Variants in AGPAT5 observed in about 807,000 individuals in gnomAD.
AGPAT5 encodes the protein 1-acyl-sn-glycerol-3-phosphate acyltransferase epsilon.
In AGPAT5, 46 loss-of-function variants were observed where a neutral mutation model predicts 45.6. The observed-to-expected ratio is 1.01, with a 90% CI of 0.80 to 1.29. The LOEUF (loss-of-function observed/expected upper bound fraction) is 1.29. Among genes scored for constraint, AGPAT5 ranks in the 50% most tolerant of loss-of-function variants. The probability of loss-of-function intolerance (pLI) is 0.00; values close to 1 mark genes in which losing one functional copy is unlikely to be tolerated. For missense variants in AGPAT5, 673 were observed against 450.7 expected, an observed-to-expected ratio of 1.49 and a Z score of -4.47; for synonymous variants, 272 against 167.0, an observed-to-expected ratio of 1.63 and a Z score of -4.85.
intron 4 of AGPAT5, among the ~76,000 whole-genome samples, chr8:6,740,075 A>G (rs1801195441): frequency 6.6e-6 from 1 of 152,174 alleles, no homozygotes; most frequent in Non-Finnish European, 1.5e-5. Context: ...CATAATAAGT[A>G]TATAAGAAAT....
intron 2 of AGPAT5, among the ~76,000 whole-genome samples, chr8:6,725,984 G>A (rs1427946893): frequency 2.6e-5 from 4 of 152,244 alleles, no homozygotes; most frequent in Non-Finnish European, 4.4e-5. Flanking sequence ...TCTCAATTTA[G>A]TGAATTAATG....
intron 4 of AGPAT5, among the ~76,000 whole-genome samples, chr8:6,736,278 C>T (rs1433497434): frequency 6.6e-6 from 1 of 152,150 alleles, no homozygotes. Flanking sequence ...CAGACTTTAC[C>T]AGGTTTTCCA....
chr8:6,724,795 C>G (rs1800628159), intron 1 of AGPAT5, 75 bp from the exon 2 acceptor site: 4 of 450,500 alleles, frequency 8.9e-6, no homozygotes, highest in South Asian at 6.8e-5. Flanking sequence ...TCGTCAGTTT[C>G]TTCACATTGT....
At chr8:6,745,988 C>G (rs1239205160) in intron 5 of AGPAT5, 1 of 151,958 alleles carries the variant, frequency 6.6e-6, no homozygotes, top group Non-Finnish European at 1.5e-5. Flanking sequence ...TCCCTTCCTT[C>G]TTTTCTTTCC....
intron 6 of AGPAT5, among the ~76,000 whole-genome samples, chr8:6,752,303 C>G (rs902732463): frequency 2.6e-5 from 4 of 152,164 alleles, no homozygotes; most frequent in Admixed American, 2.6e-4. Flanking sequence ...GGATATTTTC[C>G]TTTAAATCCT....
At chr8:6,724,661 A>G (rs552987103) in intron 1 of AGPAT5, among the ~76,000 whole-genome samples, 1,024 of 71,696 alleles carry the variant, frequency 0.014, 13 homozygotes, top group Admixed American at 0.048. Context: ...TTCTATTTTA[A>G]TTTATTACCG....
rs1376218075 is a variant in AGPAT5 at position 6,757,709 on chromosome 8, T to G, written c.*321T>G. Reference sequence around the variant, plus strand: ...ATTTTGCAAGTCAGATGGCTGCATTTTTGAGCATTAATTTGCAGCGTATTT... The same window carrying G: ...ATTTTGCAAGTCAGATGGCTGCATTGTTGAGCATTAATTTGCAGCGTATTT... On this transcript the variant is annotated 3_prime_UTR_variant, in exon 8 of 8. Coordinates refer to ENST00000285518, the MANE Select transcript of AGPAT5 (RefSeq NM_018361.5). 1 of 212,380 alleles carries G rather than the reference T, an allele frequency of 4.7e-6. No homozygotes were observed. The allele number at this position is 212,380 out of a possible 1,614,324, so 13.2% of individuals were successfully genotyped here. A position where few individuals can be genotyped will look rare whatever the true frequency, so the allele number is the denominator to read the frequency against.
chr8:6,732,574 A>C lies in AGPAT5; in HGVS notation c.419A>C (p.Tyr140Ser). ...TGATTGTGGCAGCATGGAGGAATCTATGTAAAGCGCAGTGCCAAATTTAAC... is the reference window on the plus strand; with the variant it reads ...TGATTGTGGCAGCATGGAGGAATCTCTGTAAAGCGCAGTGCCAAATTTAAC... ...GCYFAQHGGI[Y>S]VKRSAKFNEK... is the part of the protein sequence containing the mutation. The change falls in exon 4 of 8, where the codon TAT becomes TCT. Residue 140 changes from tyrosine (Y) to serine (S), a missense_variant. Coordinates refer to ENST00000285518, the MANE Select transcript of AGPAT5 (RefSeq NM_018361.5). 1.9e-6 allele frequency: 3 copies of C among 1,607,976 alleles called. No homozygotes were observed. The highest frequency in any genetic ancestry group is 2.5e-6 in the Non-Finnish European group (3 of 1,178,440).
intron 1 of AGPAT5, among the ~76,000 whole-genome samples, chr8:6,713,044 G>C (rs1800204056): frequency 6.6e-6 from 1 of 152,204 alleles, no homozygotes; most frequent in Non-Finnish European, 1.5e-5. Flanking sequence ...CCAGGCTCTG[G>C]TGCGGTGGCA....
rs1258518747 is a variant in AGPAT5, at chr8:6,760,426, A to T, written c.*3038A>T. ...GAAAATGAAAAGGAAATATAGAAAT[A>T]TAAAATTTGCTTATTATAGACACAC... On this transcript the variant is annotated 3_prime_UTR_variant, in exon 8 of 8. Transcript: ENST00000285518. Among the ~76,000 whole-genome samples the T allele has an allele frequency of 6.6e-6, 1 of 152,192 alleles. No individual in the cohort carries two copies. Among genetic ancestry groups the T allele is most frequent in the African/African-American group, 2.4e-5 (1 of 41,448 alleles).
At chr8:6,735,520 T>A (rs1313555690) in intron 4 of AGPAT5, among the ~76,000 whole-genome samples, 2 of 152,242 alleles carry the variant, frequency 1.3e-5, no homozygotes, top group African/African-American at 4.8e-5. Context: ...GCTAAATTCT[T>A]TTTACTGGTA....
chr8:6,757,678 T>C lies in AGPAT5; in HGVS notation c.*290T>C, dbSNP rs560269200. The stretch of plus-strand genomic sequence containing the variant: ...TGACAACTTGAGAAGGCTGGGAGGA[T>C]TGTGTATTTTGCAAGTCAGATGGCT... On this transcript the variant is annotated 3_prime_UTR_variant, in exon 8 of 8. Transcript: ENST00000285518. 60 of 263,084 alleles carry C rather than the reference T, an allele frequency of 2.3e-4. No individual in the cohort carries two copies. In the East Asian group the frequency reaches 4.1e-3, roughly 18 times the overall value. 16.3% of individuals were successfully genotyped at this position (263,084 alleles called of 1,614,324 possible).
chr8:6,755,130 A>C lies in AGPAT5; in HGVS notation c.825A>C (p.Glu275Asp), dbSNP rs775301782. 1 of 1,609,222 alleles carries C rather than the reference A, an allele frequency of 6.2e-7. No individual in the cohort carries two copies. The highest frequency in any genetic ancestry group is 1.1e-5 in the South Asian group (1 of 89,316). ...AAAAAGATGTCCCAGAAGAACAAGA[A>C]CATATGAGAAGATGGCTGCATGAAC... The part of the protein sequence containing the change: ...IDKKDVPEEQ[E>D]HMRRWLHERF... Residue 275 changes from glutamate to aspartate, a missense_variant, in exon 7 of 8, where the codon GAA becomes GAC. Physicochemically the swap from Glu to Asp is conservative, Grantham distance 45 (BLOSUM62 2). Transcript: ENST00000285518.
At position 6,759,948 on chromosome 8, in the gene AGPAT5, T is replaced by G. The variant is rs1801976482; in HGVS notation, c.*2560T>G. Among the ~76,000 whole-genome samples the G allele has an allele frequency of 6.6e-6, 1 of 152,224 alleles. No homozygotes were observed. The highest frequency in any genetic ancestry group is 2.1e-4 in the South Asian group (1 of 4,836). Reference sequence around the variant, plus strand: ...GTGAAACATGTCAAATGCCTTAAATTAACTAAGTTGGTGAATAAAAGTGCC... The same window carrying G: ...GTGAAACATGTCAAATGCCTTAAATGAACTAAGTTGGTGAATAAAAGTGCC... On this transcript the variant is annotated 3_prime_UTR_variant, in exon 8 of 8. Transcript: ENST00000285518.
intron 1 of AGPAT5, among the ~76,000 whole-genome samples, chr8:6,714,084 ACTT>A (rs1350828653): frequency 6.6e-6 from 1 of 152,212 alleles, no homozygotes; most frequent in Non-Finnish European, 1.5e-5. Flanking sequence ...CTTTTATGAC[ACTT>A]CTACATTCTT....
chr8:6,715,389 A>G (rs1294585016), intron 1 of AGPAT5, among the ~76,000 whole-genome samples: 2 of 152,132 alleles, frequency 1.3e-5, no homozygotes, highest in Admixed American at 1.3e-4. Context: ...TTCCAAATCT[A>G]TTTTAGTGGT....
At chr8:6,744,287 A>G (rs904060669) in intron 5 of AGPAT5, among the ~76,000 whole-genome samples, 2 of 152,206 alleles carry the variant, frequency 1.3e-5, no homozygotes, top group Admixed American at 1.3e-4. Context: ...TTTGAAGCCA[A>G]CTTCTGAGAA....
chr8:6,754,339 T>G (rs1267601279), intron 6 of AGPAT5, among the ~76,000 whole-genome samples: 3 of 152,204 alleles, frequency 2.0e-5, no homozygotes, highest in Non-Finnish European at 4.4e-5. Context: ...ATAATTTTGG[T>G]TCTTTTACCA....
intron 1 of AGPAT5, among the ~76,000 whole-genome samples, chr8:6,711,390 C>A (rs1364095948): frequency 6.6e-6 from 1 of 152,188 alleles, no homozygotes; most frequent in Admixed American, 6.5e-5. Context: ...TAAAATTGTT[C>A]CTTATAACTC....
Sources: gnomAD v4.1 joint callset for allele counts (sites outside exome capture counted in the v4.1 genomes callset) on GRCh38, gnomAD v4.1.1 for gene constraint, MANE v1.5 for transcripts, NCBI Gene and HGNC (gene_info 2026-07-23, HGNC 2026-07-21) for gene names.